The following KCNMA1 variants were observed in gnomAD, a reference collection of about 807,000 sequenced individuals.
KCNMA1 encodes potassium calcium-activated channel subfamily M alpha 1.
A neutral mutation model predicts 140.0 loss-of-function variants in KCNMA1; 29 were observed. The ratio of observed to expected loss-of-function variants is 0.21; its 90% CI spans 0.15 to 0.28. The LOEUF is 0.28. Among genes scored for constraint, KCNMA1 ranks in the 10% least tolerant of loss-of-function variants. The probability of loss-of-function intolerance (pLI) is 1.00; values close to 1 mark genes in which losing one functional copy is unlikely to be tolerated. For missense variants in KCNMA1, 880 were observed against 1,602.2 expected, an observed-to-expected ratio of 0.55 and a Z score of 7.70; for synonymous variants, 612 against 611.9, an observed-to-expected ratio of 1.00 and a Z score of 0.00.
chr10:77,569,865 A>G (rs1185116778), intron 1 of KCNMA1, among the ~76,000 whole-genome samples: 7 of 152,230 alleles, frequency 4.6e-5, no homozygotes, highest in African/African-American at 1.7e-4. Flanking sequence ...TCCAGAGTCT[A>G]CAATGAACTC....
chr10:77,410,956 C>T (rs987218566), intron 1 of KCNMA1, among the ~76,000 whole-genome samples: 1 of 152,220 alleles, frequency 6.6e-6, no homozygotes, highest in African/African-American at 2.4e-5. Context: ...TCATTGTGTG[C>T]TGTCTGCAAG....
At chr10:77,106,232 A>G (rs1293721357) in intron 9 of KCNMA1, among the ~76,000 whole-genome samples, 1 of 152,198 alleles carries the variant, frequency 6.6e-6, no homozygotes, top group African/African-American at 2.4e-5. Flanking sequence ...GAACATTAAA[A>G]GCAAAGTGCA....
intron 5 of KCNMA1, among the ~76,000 whole-genome samples, chr10:77,145,975 A>G (rs992242062): frequency 3.3e-5 from 5 of 152,196 alleles, no homozygotes; most frequent in East Asian, 3.9e-4. Flanking sequence ...ATTAATATCT[A>G]TAACGGTTAA....
chr10:76,952,566 G>A (rs2066708078), intron 21 of KCNMA1, among the ~76,000 whole-genome samples: 3 of 152,108 alleles, frequency 2.0e-5, no homozygotes, highest in South Asian at 2.1e-4. Context: ...GCAGCTTTGC[G>A]AGTAGAACAA....
intron 2 of KCNMA1, among the ~76,000 whole-genome samples, chr10:77,290,695 G>A (rs2072915085): frequency 6.6e-6 from 1 of 152,140 alleles, no homozygotes; most frequent in South Asian, 2.1e-4. Context: ...GATCTGGCGG[G>A]AAATTCCACT....
At chr10:77,503,040 C>T (rs973151843) in intron 1 of KCNMA1, among the ~76,000 whole-genome samples, 1 of 152,032 alleles carries the variant, frequency 6.6e-6, no homozygotes, top group Non-Finnish European at 1.5e-5. Flanking sequence ...CCGCTTGAGC[C>T]CAGGAGTTTG....
intron 1 of KCNMA1, chr10:77,636,348 G>A (rs1220884010): frequency 5.2e-6 from 8 of 1,529,444 alleles, no homozygotes; most frequent in Middle Eastern, 1.7e-4. Context: ...CGAAGGTGTC[G>A]CCAGCCTCAG....
At chr10:76,982,888 A>G (rs919537545) in intron 19 of KCNMA1, among the ~76,000 whole-genome samples, 40 of 152,296 alleles carry the variant, frequency 2.6e-4, no homozygotes, top group Non-Finnish European at 5.6e-4. Context: ...GTTCCATTGA[A>G]GTTCTCATTT....
intron 2 of KCNMA1, among the ~76,000 whole-genome samples, chr10:77,333,700 A>T (rs1391681511): frequency 2.0e-5 from 3 of 152,214 alleles, no homozygotes; most frequent in Non-Finnish European, 4.4e-5. Flanking sequence ...CAACAGCTCC[A>T]GTATATCCTG....
At chr10:77,415,016 A>G (rs1433288157) in intron 1 of KCNMA1, among the ~76,000 whole-genome samples, 1 of 152,192 alleles carries the variant, frequency 6.6e-6, no homozygotes, top group East Asian at 1.9e-4. Context: ...CCATCTCACA[A>G]CCTATGGCTT....
At chr10:77,025,240 G>GTATATACATA (rs1384161555) in intron 16 of KCNMA1, among the ~76,000 whole-genome samples, 1 of 65,370 alleles carries the variant, frequency 1.5e-5, no homozygotes, top group Non-Finnish European at 3.0e-5. Context: ...AGGGGTGTGT[G>GTATATACATA]TGTATATATA....
At chr10:77,062,537 G>T (rs2095794884) in intron 14 of KCNMA1, among the ~76,000 whole-genome samples, 1 of 152,094 alleles carries the variant, frequency 6.6e-6, no homozygotes. Context: ...CAACAAACCA[G>T]TCATCATCTC....
chr10:77,277,440 C>T (rs2066990596), intron 2 of KCNMA1, among the ~76,000 whole-genome samples: 1 of 152,202 alleles, frequency 6.6e-6, no homozygotes, highest in African/African-American at 2.4e-5. Flanking sequence ...ATTGATACTA[C>T]CTCCCCAGGG....
At chr10:77,189,252 C>T (rs555317538) in intron 3 of KCNMA1, among the ~76,000 whole-genome samples, 88 of 152,202 alleles carry the variant, frequency 5.8e-4, no homozygotes, top group African/African-American at 2.0e-3. Context: ...TGTTGCTGCT[C>T]GAGAAGCTTC....
At chr10:77,441,829 C>T (rs931540642) in intron 1 of KCNMA1, among the ~76,000 whole-genome samples, 4 of 151,688 alleles carry the variant, frequency 2.6e-5, no homozygotes, top group Non-Finnish European at 4.4e-5. Flanking sequence ...GGACAATAGC[C>T]TGAGATCTTT....
chr10:77,456,064 T>G (rs1302750065), intron 1 of KCNMA1, among the ~76,000 whole-genome samples: 2 of 152,190 alleles, frequency 1.3e-5, no homozygotes, highest in African/African-American at 2.4e-5. Context: ...TGCCAGGCAC[T>G]GTGCTGACAA....
At chr10:77,378,565 G>A (rs1449557292) in intron 2 of KCNMA1, among the ~76,000 whole-genome samples, 1 of 152,146 alleles carries the variant, frequency 6.6e-6, no homozygotes, top group Non-Finnish European at 1.5e-5. Flanking sequence ...TTTGGGTGGG[G>A]TTTGCATTGG....
chr10:77,028,971 A>C (rs1475146760), intron 15 of KCNMA1, among the ~76,000 whole-genome samples: 1 of 152,234 alleles, frequency 6.6e-6, no homozygotes, highest in African/African-American at 2.4e-5. Flanking sequence ...TAATAAGGCC[A>C]TAAAGTACAG....
At chr10:77,099,583 G>A (rs564579576) in intron 9 of KCNMA1, among the ~76,000 whole-genome samples, 14 of 152,164 alleles carry the variant, frequency 9.2e-5, no homozygotes, top group East Asian at 7.7e-4. Flanking sequence ...GCATGGTGGC[G>A]TACGCCTGTA....
Sources: allele counts gnomAD v4.1 joint callset (sites outside exome capture counted in the v4.1 genomes callset), GRCh38; gene constraint gnomAD v4.1.1; transcripts MANE v1.5; gene names NCBI Gene and HGNC (gene_info 2026-07-23, HGNC 2026-07-21).